Variants in LRRK2 observed in about 807,000 individuals in gnomAD.
The protein encoded by LRRK2 is leucine rich repeat kinase 2.
A neutral mutation model predicts 302.6 loss-of-function variants in LRRK2; 203 were observed. The ratio of observed to expected loss-of-function variants is 0.67; its 90% confidence interval spans 0.60 to 0.75. The LOEUF (loss-of-function observed/expected upper bound fraction) is 0.75, where lower values mean the gene tolerates loss of function less well. LRRK2 is among the 30% of genes least tolerant of loss of function. The pLI is 0.00. For synonymous variants in LRRK2, 1,066 were observed against 1,031.9 expected (o/e 1.03, Z -0.63); for missense variants, 2,830 against 2,951.0 (o/e 0.96, Z 0.95).
In LRRK2 at chr12:40,279,565, C is replaced by T. The variant is rs546726577; in HGVS notation, c.2241+1304C>T. Among the ~76,000 whole-genome samples, 3 of 152,016 alleles carry T rather than the reference C, an allele frequency of 2.0e-5. No homozygotes were observed. In the South Asian group the frequency reaches 6.2e-4, roughly 32 times the overall value. On this transcript the variant is annotated intron_variant, in intron 18 of 50. Transcript: ENST00000298910. ...TTGCATTAATTTTAATTGAAAATAC[C>T]GAAGAACTAAAAAGAAACTTCCCCT...
chr12:40,284,113 C>T lies in LRRK2; in HGVS notation c.2480C>T (p.Ser827Phe), dbSNP rs761128465. 21 of 1,610,220 alleles carry T rather than the reference C, an allele frequency of 1.3e-5. No individual in the cohort carries two copies. Among genetic ancestry groups the T allele is most frequent in the Admixed American group, 6.7e-5 (4 of 59,872 alleles). Residue 827 changes from serine (S) to phenylalanine (F), a missense_variant, in exon 19 of 51, where the codon TCT (serine) becomes TTT (phenylalanine). By Grantham distance (155) the Ser-to-Phe change is radical (BLOSUM62 -2). Coordinates refer to ENST00000298910, the MANE Select transcript of LRRK2 (RefSeq NM_198578.4). Reference protein sequence around the residue: ...WLGPLFPDKTSNLRKQTNIAS... With the variant: ...WLGPLFPDKTFNLRKQTNIAS... ...GGTCCTTTATTTCCAGATAAGACTT[C>T]TAATTTAAGGAAACAAACAAGTAAG...
At chr12:40,288,328 A>T (rs557828355) in intron 20 of LRRK2, among the ~76,000 whole-genome samples, 1 of 151,996 alleles carries the variant, frequency 6.6e-6, no homozygotes, top group Admixed American at 6.6e-5. Flanking sequence ...AAATTAACAT[A>T]TTCATGTGGT....
chr12:40,273,492 T>C (rs1015368903), intron 14 of LRRK2, among the ~76,000 whole-genome samples: 7 of 152,158 alleles, frequency 4.6e-5, no homozygotes, highest in African/African-American at 1.7e-4. Context: ...TGAGAGGCAT[T>C]AGGGGACTAG....
chr12:40,269,466 T>G (rs1014205613), intron 14 of LRRK2, among the ~76,000 whole-genome samples: 3 of 152,104 alleles, frequency 2.0e-5, no homozygotes, highest in Non-Finnish European at 4.4e-5. Context: ...TAGTAGTTGC[T>G]CCATCAGTAG....
At chr12:40,280,237 G>C (rs11175843) in intron 18 of LRRK2, among the ~76,000 whole-genome samples, 21,913 of 152,002 alleles carry the variant, frequency 0.14, 1,873 homozygotes, top group Middle Eastern at 0.3. Context: ...GATCACTTGA[G>C]CCAGGAGTTC....
At chr12:40,350,449 A>C (rs569277602) in intron 43 of LRRK2, among the ~76,000 whole-genome samples, 1 of 152,334 alleles carries the variant, frequency 6.6e-6, no homozygotes, top group African/African-American at 2.4e-5. Context: ...AAAATCATTT[A>C]GCATTTTAAA....
intron 46 of LRRK2, among the ~76,000 whole-genome samples, chr12:40,357,529 G>A (rs952838318): frequency 1.3e-5 from 2 of 151,966 alleles, no homozygotes; most frequent in African/African-American, 2.4e-5. Flanking sequence ...TTTGTTTTCC[G>A]TAGTGGCTAT....
intron 34 of LRRK2, among the ~76,000 whole-genome samples, chr12:40,320,595 T>C (rs1945373388): frequency 6.6e-6 from 1 of 152,016 alleles, no homozygotes; most frequent in Non-Finnish European, 1.5e-5. Flanking sequence ...TGTTTTAGCC[T>C]ATACTATGGA....
In LRRK2 at chr12:40,335,152, T is replaced by C. The variant is rs750819264; in HGVS notation, c.5943T>C (p.Gly1981=). Residue 1981 remains glycine (G), a synonymous_variant, in exon 40 of 51, where the codon GGT becomes GGC. Transcript: ENST00000298910. ...GGATTGCACTCCACGTAGCTGATGGTTTGAGGTAAGTAGGTCATGTTGTTT... is the reference window on the plus strand; with the variant it reads ...GGATTGCACTCCACGTAGCTGATGGCTTGAGGTAAGTAGGTCATGTTGTTT... ...QHRIALHVAD[G]LRYLHSAMII... is the part of the protein sequence containing the mutation. The C allele has an allele frequency of 3.1e-6, 5 of 1,613,980 alleles. No individual in the cohort carries two copies. The highest frequency in any genetic ancestry group is 2.2e-5 in the South Asian group (2 of 91,072).
At chr12:40,318,807 A>C (rs1425402894) in intron 33 of LRRK2, among the ~76,000 whole-genome samples, 1 of 152,086 alleles carries the variant, frequency 6.6e-6, no homozygotes, top group Non-Finnish European at 1.5e-5. Context: ...TACCACCTAA[A>C]CTGTAAGAGC....
intron 9 of LRRK2, 31 bp from the exon 10 acceptor site, chr12:40,251,434 T>C (rs941058459): frequency 1.2e-6 from 2 of 1,612,394 alleles, no homozygotes; most frequent in Non-Finnish European, 1.7e-6. Flanking sequence ...ATTTATATTT[T>C]GACAGATTTC....
chr12:40,235,848 C>T (rs1174289751), intron 4 of LRRK2, 134 bp downstream of exon 4: 3 of 622,448 alleles, frequency 4.8e-6, no homozygotes, highest in Non-Finnish European at 8.4e-6. Flanking sequence ...TTTAAATGTC[C>T]TAAAATTGCA....
intron 14 of LRRK2, among the ~76,000 whole-genome samples, chr12:40,266,195 T>C (rs1416143484): frequency 6.6e-6 from 1 of 151,984 alleles, no homozygotes; most frequent in Non-Finnish European, 1.5e-5. Flanking sequence ...CAAAAGAAAC[T>C]ACCATCAGAG....
chr12:40,363,689 C>A, intron 48 of LRRK2, 135 bp downstream of exon 48: 1 of 875,912 alleles, frequency 1.1e-6, no homozygotes, highest in Non-Finnish European at 1.8e-6. Flanking sequence ...ATTTGTAATG[C>A]TTCTCAGCAC....
intron 25 of LRRK2, among the ~76,000 whole-genome samples, chr12:40,299,510 C>T (rs772352570): frequency 6.6e-6 from 1 of 152,008 alleles, no homozygotes; most frequent in Non-Finnish European, 1.5e-5. Context: ...TATTCGTTCC[C>T]AACTATAAGA....
chr12:40,279,046 C>T (rs1943576582), intron 18 of LRRK2, among the ~76,000 whole-genome samples: 1 of 151,244 alleles, frequency 6.6e-6, no homozygotes, highest in South Asian at 2.1e-4. Context: ...ATACTAGGTT[C>T]ATTGCTTATA....
chr12:40,282,943 A>G (rs1943768969), intron 18 of LRRK2, among the ~76,000 whole-genome samples: 1 of 152,172 alleles, frequency 6.6e-6, no homozygotes. Context: ...CTTCAAATCC[A>G]AGTCTCAGTT....
Position 40,249,906 on chromosome 12 carries a change from G to A in LRRK2, c.919G>A (p.Ala307Thr). 1 of 1,613,840 alleles carries A rather than the reference G, an allele frequency of 6.2e-7. No individual in the cohort carries two copies. Reference protein sequence around the residue: ...KAVQQYPENAALQISALSCLA... With the variant: ...KAVQQYPENATLQISALSCLA... ...TGTGCAGCAGTACCCAGAGAATGCA[G>A]CATTGCAGATCTCAGCGCTCAGCTG... The change falls in exon 8 of 51, where the codon GCA becomes ACA. Residue 307 changes from alanine to threonine, a missense_variant. This residue lies in a region of LRRK2 where 2,121 missense variants were observed against 2,148.0 expected (regional missense o/e 0.99). Transcript: ENST00000298910.
chr12:40,360,490 C>G (rs552686095), intron 47 of LRRK2, among the ~76,000 whole-genome samples: 3 of 152,160 alleles, frequency 2.0e-5, no homozygotes, highest in African/African-American at 4.8e-5. Context: ...GTACCATGGG[C>G]CAGACTGCCA....
Sources: allele counts gnomAD v4.1 joint callset (sites outside exome capture counted in the v4.1 genomes callset), GRCh38; gene constraint gnomAD v4.1.1; regional missense constraint gnomAD v4.1.1; transcripts MANE v1.5; gene names NCBI Gene and HGNC (gene_info 2026-07-23, HGNC 2026-07-21).